SGCZ: variants seen among roughly 807,000 people sequenced by gnomAD.
SGCZ encodes zeta-sarcoglycan.
In SGCZ, 40 loss-of-function variants were observed where a neutral mutation model predicts 41.3. That is an observed-to-expected ratio of 0.97 (90% CI 0.75 to 1.26). The LOEUF is 1.26. Among genes scored for constraint, SGCZ ranks in the 50% most tolerant of loss-of-function variants. SGCZ has a pLI of 0.00. For synonymous variants in SGCZ, 206 were observed against 137.5 expected, an observed-to-expected ratio of 1.50 and a Z score of -3.49; for missense variants, 552 against 369.8, an observed-to-expected ratio of 1.49 and a Z score of -4.04.
intron 1 of SGCZ, among the ~76,000 whole-genome samples, chr8:14,988,364 T>C (rs945390806): frequency 1.3e-5 from 2 of 152,046 alleles, no homozygotes; most frequent in Admixed American, 6.5e-5. Context: ...AGATATACTA[T>C]ACTTTTTAAA....
intron 2 of SGCZ, among the ~76,000 whole-genome samples, chr8:14,547,656 C>G (rs963616225): frequency 1.3e-5 from 2 of 152,084 alleles, no homozygotes; most frequent in African/African-American, 4.8e-5. Flanking sequence ...TCACTTAATG[C>G]TTCGAATATC....
intron 1 of SGCZ, among the ~76,000 whole-genome samples, chr8:14,680,037 A>C (rs28813190): frequency 0.2 from 30,155 of 151,982 alleles, 3,611 homozygotes; most frequent in East Asian, 0.44. Context: ...GCTAGGTTTA[A>C]GTATTTTCCA....
intron 1 of SGCZ, among the ~76,000 whole-genome samples, chr8:15,062,841 T>G (rs529236370): frequency 6.6e-6 from 1 of 152,260 alleles, no homozygotes; most frequent in African/African-American, 2.4e-5. Context: ...TTGGCTCCTT[T>G]TAGTAAAGAT....
chr8:14,801,265 C>A (rs1801313491), intron 1 of SGCZ, among the ~76,000 whole-genome samples: 1 of 152,116 alleles, frequency 6.6e-6, no homozygotes, highest in Non-Finnish European at 1.5e-5. Context: ...GTCATTACAT[C>A]AGCAAATATA....
chr8:15,085,411 C>T (rs1229117249), intron 1 of SGCZ, among the ~76,000 whole-genome samples: 2 of 152,124 alleles, frequency 1.3e-5, no homozygotes, highest in African/African-American at 2.4e-5. Context: ...CTGCAGTACA[C>T]GATGGGTCCA....
intron 1 of SGCZ, among the ~76,000 whole-genome samples, chr8:14,802,644 T>C (rs1380891329): frequency 6.6e-6 from 1 of 152,156 alleles, no homozygotes; most frequent in East Asian, 1.9e-4. Context: ...AATATATATA[T>C]ATTTTCCAAA....
At chr8:14,966,899 G>T (rs1801143786) in intron 1 of SGCZ, among the ~76,000 whole-genome samples, 1 of 152,044 alleles carries the variant, frequency 6.6e-6, no homozygotes, top group Non-Finnish European at 1.5e-5. Flanking sequence ...GGTCAAAGTT[G>T]AACAACTTAT....
intron 1 of SGCZ, among the ~76,000 whole-genome samples, chr8:14,576,115 A>T (rs1273182339): frequency 1.3e-5 from 2 of 152,190 alleles, no homozygotes; most frequent in African/African-American, 4.8e-5. Flanking sequence ...ATTTCCGGAC[A>T]GTAATTGATC....
At chr8:14,560,433 G>A (rs936949987) in intron 1 of SGCZ, among the ~76,000 whole-genome samples, 11 of 151,940 alleles carry the variant, frequency 7.2e-5, no homozygotes, top group African/African-American at 2.7e-4. Flanking sequence ...GAACAAGGAG[G>A]AGCGGAGAAG....
chr8:14,141,017 G>A (rs62132244), intron 5 of SGCZ, among the ~76,000 whole-genome samples: 9 of 152,066 alleles, frequency 5.9e-5, no homozygotes, highest in South Asian at 2.1e-4. Flanking sequence ...AAATAATACC[G>A]CACACCTACA....
At chr8:14,156,905 C>A (rs1337187901) in intron 5 of SGCZ, among the ~76,000 whole-genome samples, 2 of 152,098 alleles carry the variant, frequency 1.3e-5, no homozygotes, top group African/African-American at 2.4e-5. Flanking sequence ...TCCTGAAGGA[C>A]CTGCCTGAGG....
At chr8:14,138,047 T>A (rs189810936) in intron 5 of SGCZ, among the ~76,000 whole-genome samples, 5,140 of 152,222 alleles carry the variant, frequency 0.034, 284 homozygotes, top group African/African-American at 0.12. Flanking sequence ...AAGAAAAGAA[T>A]TTTCAACCCA....
At chr8:14,488,595 T>C (rs1801749267) in intron 2 of SGCZ, among the ~76,000 whole-genome samples, 1 of 152,256 alleles carries the variant, frequency 6.6e-6, no homozygotes, top group African/African-American at 2.4e-5. Context: ...TGTAATCATC[T>C]AGAAAGACAG....
chr8:14,982,011 G>A (rs965825679), intron 1 of SGCZ, among the ~76,000 whole-genome samples: 8 of 151,978 alleles, frequency 5.3e-5, no homozygotes, highest in East Asian at 3.9e-4. Flanking sequence ...TTAGCCAGGC[G>A]TGGTGGCTCA....
chr8:14,747,389 C>A (rs1035583233), intron 1 of SGCZ, among the ~76,000 whole-genome samples: 1 of 152,082 alleles, frequency 6.6e-6, no homozygotes, highest in East Asian at 1.9e-4. Flanking sequence ...CATATTTCAG[C>A]CATAGCAACC....
chr8:14,208,880 C>G (rs1406133201), intron 4 of SGCZ, among the ~76,000 whole-genome samples: 1 of 152,064 alleles, frequency 6.6e-6, no homozygotes, highest in Non-Finnish European at 1.5e-5. Flanking sequence ...TGGGAGAGTA[C>G]TCAGTAAGGT....
chr8:14,666,478 G>C (rs1246859882), intron 1 of SGCZ, among the ~76,000 whole-genome samples: 2 of 152,106 alleles, frequency 1.3e-5, no homozygotes, highest in East Asian at 3.9e-4. Flanking sequence ...TCTTTTGTCT[G>C]CTTAACAAAC....
At chr8:15,124,413 G>A (rs930785994) in intron 1 of SGCZ, among the ~76,000 whole-genome samples, 8 of 152,184 alleles carry the variant, frequency 5.3e-5, no homozygotes, top group Admixed American at 4.6e-4. Context: ...GCAACCTGAT[G>A]ATGGGGCAAA....
intron 1 of SGCZ, among the ~76,000 whole-genome samples, chr8:14,705,910 G>T (rs549101870): frequency 1.3e-5 from 2 of 151,992 alleles, no homozygotes; most frequent in African/African-American, 4.8e-5. Context: ...TCCCCACCAG[G>T]ATAGGAGTTG....
Sources: gnomAD v4.1 joint callset for allele counts (sites outside exome capture counted in the v4.1 genomes callset) on GRCh38, gnomAD v4.1.1 for gene constraint, MANE v1.5 for transcripts, NCBI Gene and HGNC (gene_info 2026-07-23, HGNC 2026-07-21) for gene names.